Variants in CHST11 observed in about 807,000 individuals in gnomAD.
The protein encoded by CHST11 is C4S-1.
In CHST11, 9 loss-of-function variants were observed where a neutral mutation model predicts 30.4. The observed-to-expected ratio is 0.30, with a 90% CI of 0.18 to 0.52. The LOEUF (loss-of-function observed/expected upper bound fraction) is 0.52. Among genes scored for constraint, CHST11 ranks in the 20% least tolerant of loss-of-function variants. The pLI, the probability that CHST11 is intolerant of heterozygous loss-of-function variation, is 0.97. For missense variants in CHST11, 348 were observed against 460.6 expected (o/e 0.76, Z 2.24); for synonymous variants, 152 against 187.8 (o/e 0.81, Z 1.56).
chr12:104,709,021 G>A (rs2040061475), intron 2 of CHST11, among the ~76,000 whole-genome samples: 1 of 152,332 alleles, frequency 6.6e-6, no homozygotes, highest in South Asian at 2.1e-4. Flanking sequence ...CAAGGACAGA[G>A]CATGTTCACA....
At chr12:104,494,496 T>C (rs1297177865) in intron 1 of CHST11, among the ~76,000 whole-genome samples, 1 of 152,242 alleles carries the variant, frequency 6.6e-6, no homozygotes, top group Non-Finnish European at 1.5e-5. Flanking sequence ...GAAGGATTTT[T>C]GTCTCAAAGC....
At chr12:104,727,974 G>A (rs537248891) in intron 2 of CHST11, among the ~76,000 whole-genome samples, 32 of 148,586 alleles carry the variant, frequency 2.2e-4, no homozygotes, top group African/African-American at 6.9e-4. Flanking sequence ...CGTGGATCCA[G>A]GCACAGCTGT....
intron 2 of CHST11, among the ~76,000 whole-genome samples, chr12:104,752,589 G>A (rs922961720): frequency 6.6e-6 from 1 of 152,148 alleles, no homozygotes; most frequent in East Asian, 1.9e-4. Context: ...GTGCAGTGCC[G>A]CGATCGCGGC....
intron 1 of CHST11, among the ~76,000 whole-genome samples, chr12:104,478,983 C>G (rs184783174): frequency 6.6e-6 from 1 of 152,126 alleles, no homozygotes; most frequent in East Asian, 1.9e-4. Context: ...TGGAAGGAGC[C>G]TTTAAACAGT....
At chr12:104,726,626 A>G (rs2040219122) in intron 2 of CHST11, among the ~76,000 whole-genome samples, 6 of 152,156 alleles carry the variant, frequency 3.9e-5, no homozygotes, top group Admixed American at 3.9e-4. Flanking sequence ...ACCCTGCTTC[A>G]GGATGGGGTT....
chr12:104,624,296 T>A (rs748188745), intron 2 of CHST11, among the ~76,000 whole-genome samples: 3 of 152,104 alleles, frequency 2.0e-5, no homozygotes, highest in Non-Finnish European at 4.4e-5. Flanking sequence ...GGGTATTAAA[T>A]GATTGTCACA....
At chr12:104,555,142 A>G (rs2038443137) in intron 1 of CHST11, among the ~76,000 whole-genome samples, 1 of 152,222 alleles carries the variant, frequency 6.6e-6, no homozygotes, top group Non-Finnish European at 1.5e-5. Context: ...GTGAAATAAG[A>G]AACTCTGATT....
At chr12:104,509,992 C>G (rs1315430131) in intron 1 of CHST11, among the ~76,000 whole-genome samples, 1 of 152,188 alleles carries the variant, frequency 6.6e-6, no homozygotes, top group Non-Finnish European at 1.5e-5. Context: ...ATCTTTAACA[C>G]AGGCTTTCAA....
At chr12:104,605,826 G>T (rs1386841301) in intron 2 of CHST11, among the ~76,000 whole-genome samples, 1 of 152,176 alleles carries the variant, frequency 6.6e-6, no homozygotes, top group Non-Finnish European at 1.5e-5. Flanking sequence ...TGCATTGTCA[G>T]CCATTAATAG....
chr12:104,557,704 A>G (rs2038471067), intron 1 of CHST11, among the ~76,000 whole-genome samples: 1 of 152,082 alleles, frequency 6.6e-6, no homozygotes, highest in African/African-American at 2.4e-5. Flanking sequence ...TGTCCCTAGG[A>G]GGAGCAAGAG....
intron 1 of CHST11, among the ~76,000 whole-genome samples, chr12:104,546,656 G>C (rs1361693406): frequency 6.6e-6 from 1 of 152,122 alleles, no homozygotes; most frequent in Admixed American, 6.5e-5. Context: ...AGCACCTGGC[G>C]ATTTTTTTTT....
intron 2 of CHST11, among the ~76,000 whole-genome samples, chr12:104,741,747 T>G (rs1172874036): frequency 6.6e-6 from 1 of 152,130 alleles, no homozygotes; most frequent in Admixed American, 6.5e-5. Flanking sequence ...CAGAACCCGC[T>G]CATGTAAAAG....
chr12:104,521,426 T>A (rs11112087), intron 1 of CHST11, among the ~76,000 whole-genome samples: 4,709 of 152,318 alleles, frequency 0.031, 104 homozygotes, highest in African/African-American at 0.057. Flanking sequence ...GATCTTGGTT[T>A]CGTATACTGT....
intron 2 of CHST11, among the ~76,000 whole-genome samples, chr12:104,665,812 C>CTTTTTTT (rs59199522): frequency 1.1e-4 from 9 of 78,848 alleles, no homozygotes; most frequent in African/African-American, 3.9e-4. Context: ...CTCTCTGTCT[C>CTTTTTTT]TTTTTTTTTT....
intron 2 of CHST11, among the ~76,000 whole-genome samples, chr12:104,655,877 A>T (rs1011732206): frequency 6.6e-6 from 1 of 152,174 alleles, no homozygotes; most frequent in East Asian, 1.9e-4. Flanking sequence ...CTCTTGTTGC[A>T]AGAAGTCAAA....
At chr12:104,631,023 G>T (rs2039264984) in intron 2 of CHST11, among the ~76,000 whole-genome samples, 1 of 152,300 alleles carries the variant, frequency 6.6e-6, no homozygotes, top group Non-Finnish European at 1.5e-5. Context: ...GTGTGGTCAG[G>T]AGGAGGCCCG....
At chr12:104,748,400 T>C (rs2040405084) in intron 2 of CHST11, among the ~76,000 whole-genome samples, 1 of 152,116 alleles carries the variant, frequency 6.6e-6, no homozygotes, top group African/African-American at 2.4e-5. Flanking sequence ...CACCCAGGAC[T>C]TCCAGAGGTG....
intron 1 of CHST11, among the ~76,000 whole-genome samples, chr12:104,589,400 CA>C (rs35359633): frequency 0.34 from 41,790 of 124,254 alleles, 6,005 homozygotes; most frequent in East Asian, 0.41. Context: ...GATCTTGTCT[CA>C]AAAAAAAAAA....
intron 1 of CHST11, among the ~76,000 whole-genome samples, chr12:104,555,082 G>A (rs1278160652): frequency 2.0e-5 from 3 of 152,330 alleles, no homozygotes; most frequent in South Asian, 2.1e-4. Flanking sequence ...CAGTGTTAAC[G>A]TGGGGCTTTA....
Sources: gnomAD v4.1 joint callset for allele counts (sites outside exome capture counted in the v4.1 genomes callset) on GRCh38, gnomAD v4.1.1 for gene constraint, MANE v1.5 for transcripts, NCBI Gene and HGNC (gene_info 2026-07-23, HGNC 2026-07-21) for gene names.